The following SP100 variants were observed in gnomAD, a reference collection of about 807,000 sequenced individuals.
SP100 encodes the protein nuclear autoantigen Sp-100.
A neutral mutation model predicts 130.0 loss-of-function variants in SP100; 84 were observed. The observed-to-expected ratio is 0.65, with a 90% confidence interval of 0.54 to 0.77. The LOEUF (loss-of-function observed/expected upper bound fraction) is 0.77. Ranked by LOEUF, SP100 falls within the 30% of genes least tolerant of loss-of-function variation. The probability of loss-of-function intolerance (pLI) is 0.00; values close to 1 mark genes in which losing one functional copy is unlikely to be tolerated. For synonymous variants in SP100, 331 were observed against 351.7 expected, an observed-to-expected ratio of 0.94 and a Z score of 0.66; for missense variants, 978 against 1,052.2, an observed-to-expected ratio of 0.93 and a Z score of 0.97.
intron 19 of SP100, among the ~76,000 whole-genome samples, chr2:230,500,298 C>A (rs573994399): frequency 1.3e-5 from 2 of 152,204 alleles, no homozygotes; most frequent in Non-Finnish European, 2.9e-5. Flanking sequence ...GGTGCTGGAG[C>A]CAGCGAACAC....
In SP100 at chr2:230,473,676, G is replaced by A. The variant is rs551873735; in HGVS notation, c.1546+236G>A. Among the ~76,000 whole-genome samples the A allele has an allele frequency of 2.5e-4, 38 of 152,204 alleles. No homozygotes were observed. In the South Asian group the frequency reaches 3.7e-3, roughly 15 times the overall value. ...TGTGACAAAGAACAGGTTTGGTGCC[G>A]CCAGAATCCTGTTCTCTACATTTGC... On this transcript the variant is annotated intron_variant, in intron 16 of 28. Coordinates refer to ENST00000340126, the MANE Select transcript of SP100 (RefSeq NM_001080391.2).
intron 4 of SP100, among the ~76,000 whole-genome samples, chr2:230,445,215 A>AT (rs905614770): frequency 6.6e-6 from 1 of 152,078 alleles, no homozygotes; most frequent in African/African-American, 2.4e-5. Context: ...ACGTCCTCCA[A>AT]TTTTTTTTAC....
rs765982752 is a variant in SP100 at position 230,515,306 on chromosome 2, C to G, written c.2094+4140C>G. ...AAGAAGTTCAAGGATCCCAATGCAC[C>G]CAAGAGGCCTCCTTTGGCCTTTTTC... On this transcript the variant is annotated intron_variant, in intron 24 of 28. Transcript: ENST00000340126. 3.7e-6 allele frequency: 6 copies of G among 1,613,112 alleles called. No individual in the cohort carries two copies. The South Asian group carries it at 6.6e-5, about 18-fold the overall frequency.
chr2:230,417,826 T>TC (rs397988170), intron 2 of SP100, among the ~76,000 whole-genome samples, 161 bp downstream of exon 2: 2 of 152,166 alleles, frequency 1.3e-5, no homozygotes, highest in African/African-American at 4.8e-5. Flanking sequence ...GTCCTTTTTT[T>TC]CGTGATATGG....
chr2:230,438,639 G>GTATATATATATATATATATA (rs142300655), intron 2 of SP100, among the ~76,000 whole-genome samples: 1 of 135,054 alleles, frequency 7.4e-6, no homozygotes, highest in African/African-American at 2.9e-5. Context: ...ACTCCATGGT[G>GTATATATATATATATATATA]TATATATATA....
intron 17 of SP100, among the ~76,000 whole-genome samples, chr2:230,481,905 T>A (rs1461462653): frequency 6.6e-6 from 1 of 152,202 alleles, no homozygotes; most frequent in Non-Finnish European, 1.5e-5. Context: ...TTCCTCTTAT[T>A]CATGTTTCAG....
rs1385256056 is a variant in SP100 at position 230,543,495 on chromosome 2, G to A, written c.*549G>A. ...CAAAATTAGTATATGAAAATTACTA[G>A]TATTCCTATACACCAGCAATAGCCA... On this transcript the variant is annotated 3_prime_UTR_variant, in exon 29 of 29. Transcript: ENST00000340126. 1 of 152,152 alleles carries A rather than the reference G, an allele frequency of 6.6e-6. No individual in the cohort carries two copies. The highest frequency in any genetic ancestry group is 1.5e-5 in the Non-Finnish European group (1 of 68,042). The allele number at this position is 152,152 out of a possible 1,614,324, so 9.4% of individuals were successfully genotyped here.
intron 24 of SP100, among the ~76,000 whole-genome samples, chr2:230,523,162 T>C (rs926740444): frequency 1.3e-5 from 2 of 152,292 alleles, no homozygotes; most frequent in Admixed American, 1.3e-4. Context: ...ACCCAAAATT[T>C]TGGTTCACAG....
At chr2:230,490,505 T>G (rs1032682864) in intron 17 of SP100, among the ~76,000 whole-genome samples, 5 of 152,196 alleles carry the variant, frequency 3.3e-5, no homozygotes, top group African/African-American at 1.2e-4. Context: ...AGGTTAGTAT[T>G]GTTATGTGTG....
intron 17 of SP100, among the ~76,000 whole-genome samples, chr2:230,481,023 A>ATTGGTGGTG (rs1393515403): frequency 2.0e-5 from 2 of 102,458 alleles, no homozygotes; most frequent in Non-Finnish European, 4.1e-5. Flanking sequence ...TAGTGGTAGT[A>ATTGGTGGTG]TTGGTGGTGG....
chr2:230,449,760 C>A (rs760813910), intron 7 of SP100, 50 bp downstream of exon 7: 12 of 1,598,750 alleles, frequency 7.5e-6, no homozygotes, highest in Middle Eastern at 1.7e-4. Flanking sequence ...GGGGCCCTGG[C>A]TGGTGGCAGA....
chr2:230,491,699 C>A (rs6732411), intron 17 of SP100, among the ~76,000 whole-genome samples: 2 of 151,998 alleles, frequency 1.3e-5, no homozygotes, highest in Non-Finnish European at 2.9e-5. Flanking sequence ...AAATCTGCCC[C>A]CGTGATCCAA....
chr2:230,511,246 C>T (rs888917127), intron 24 of SP100, 80 bp downstream of exon 24: 235 of 958,494 alleles, frequency 2.5e-4, no homozygotes, highest in Middle Eastern at 6.2e-4. Context: ...TGCCTTTCCC[C>T]GAAGCATGCT....
intron 22 of SP100, 165 bp downstream of exon 22, chr2:230,506,610 C>T: frequency 3.1e-6 from 2 of 640,356 alleles, no homozygotes; most frequent in South Asian, 2.1e-5. Context: ...ATTACGTTGG[C>T]TGGCTTATAT....
chr2:230,469,021 T>C (rs373592624), intron 13 of SP100, 22 bp from the exon 14 acceptor site: 30 of 1,485,004 alleles, frequency 2.0e-5, no homozygotes, highest in Non-Finnish European at 2.8e-5. Flanking sequence ...TATTATTGAT[T>C]TGGTTTTCCT....
At position 230,444,312 on chromosome 2, in the gene SP100, C is replaced by A; in HGVS notation, c.405C>A (p.Pro135=). The A allele has an allele frequency of 6.2e-7, 1 of 1,610,862 alleles. No individual in the cohort carries two copies. Among genetic ancestry groups the A allele is most frequent in the East Asian group, 2.2e-5 (1 of 44,856 alleles). Residue 135 remains proline, a synonymous_variant, in exon 4 of 29, where the codon CCC becomes CCA. Transcript: ENST00000340126. ...LFSDVNMQEY[P]DLIHIYKGFE... is the part of the protein sequence containing the mutation. ...GCGATGTCAACATGCAGGAATACCC[C>A]GATTTAATTCACATTTATAAAGGCT...
At chr2:230,492,612 A>G (rs563322061) in intron 17 of SP100, among the ~76,000 whole-genome samples, 1 of 152,132 alleles carries the variant, frequency 6.6e-6, no homozygotes, top group East Asian at 1.9e-4. Flanking sequence ...AACCCTTCTC[A>G]TATTTTTTGT....
chr2:230,470,269 T>A, intron 15 of SP100, 171 bp downstream of exon 15: 1 of 1,339,140 alleles, frequency 7.5e-7, no homozygotes, highest in Non-Finnish European at 9.6e-7. Context: ...GAAATTATGA[T>A]AAACTCATGT....
intron 24 of SP100, among the ~76,000 whole-genome samples, chr2:230,523,807 G>A (rs1691285887): frequency 1.3e-5 from 2 of 151,988 alleles, no homozygotes; most frequent in African/African-American, 4.8e-5. Context: ...TACTCAGGAG[G>A]CTAAGGCAGA....
Sources: gnomAD v4.1 joint callset for allele counts (sites outside exome capture counted in the v4.1 genomes callset) on GRCh38, gnomAD v4.1.1 for gene constraint, MANE v1.5 for transcripts, NCBI Gene and HGNC (gene_info 2026-07-23, HGNC 2026-07-21) for gene names.